Variants in PITPNC1 observed in about 807,000 individuals in gnomAD.
The protein encoded by PITPNC1 is phosphatidylinositol transfer protein cytoplasmic 1, also known as cytoplasmic phosphatidylinositol transfer protein 1.
PITPNC1 carries 18 observed loss-of-function variants against 44.7 expected under a neutral mutation model. The ratio of observed to expected loss-of-function variants is 0.40; its 90% CI spans 0.28 to 0.60. The LOEUF is 0.60. Among genes scored for constraint, PITPNC1 ranks in the 20% least tolerant of loss-of-function variants. The probability of loss-of-function intolerance (pLI) is 0.39; values close to 1 mark genes in which losing one functional copy is unlikely to be tolerated. For missense variants in PITPNC1, 290 were observed against 418.4 expected, an observed-to-expected ratio of 0.69 and a Z score of 2.68; for synonymous variants, 141 against 149.6, an observed-to-expected ratio of 0.94 and a Z score of 0.42.
At chr17:67,551,260 G>T (rs550776783) in intron 2 of PITPNC1, among the ~76,000 whole-genome samples, 1 of 152,258 alleles carries the variant, frequency 6.6e-6, no homozygotes, top group South Asian at 2.1e-4. Context: ...TTGAGAATTT[G>T]TTTTCTGCAA....
intron 1 of PITPNC1, among the ~76,000 whole-genome samples, chr17:67,483,528 T>G (rs982593570): frequency 6.6e-6 from 1 of 152,354 alleles, no homozygotes. Flanking sequence ...TTCTTACCCT[T>G]CTTTGATCAA....
intron 6 of PITPNC1, among the ~76,000 whole-genome samples, chr17:67,641,642 C>G (rs1275537376): frequency 1.3e-5 from 2 of 151,812 alleles, no homozygotes; most frequent in African/African-American, 4.8e-5. Context: ...ATAAAAAATA[C>G]AAAAATTAGC....
chr17:67,556,060 T>C (rs888690459), intron 4 of PITPNC1, among the ~76,000 whole-genome samples: 9 of 152,198 alleles, frequency 5.9e-5, no homozygotes, highest in African/African-American at 2.2e-4. Context: ...GGAAACAAGC[T>C]GGCCTCAGAC....
chr17:67,476,998 T>C, intron 1 of PITPNC1, among the ~76,000 whole-genome samples: 1 of 152,324 alleles, frequency 6.6e-6, no homozygotes, highest in East Asian at 1.9e-4. Context: ...AGATGATTCC[T>C]GTGCATGGCG....
intron 8 of PITPNC1, among the ~76,000 whole-genome samples, chr17:67,684,087 C>G (rs1480286592): frequency 6.7e-6 from 1 of 148,762 alleles, no homozygotes; most frequent in African/African-American, 2.5e-5. Flanking sequence ...TGACGGTATC[C>G]ATCTCATAAT....
intron 1 of PITPNC1, among the ~76,000 whole-genome samples, chr17:67,453,042 T>A (rs2039206019): frequency 6.6e-6 from 1 of 152,224 alleles, no homozygotes; most frequent in Non-Finnish European, 1.5e-5. Context: ...CATGTTGTGT[T>A]GTGCTGTTAT....
chr17:67,609,881 C>T (rs2041665041), intron 5 of PITPNC1, among the ~76,000 whole-genome samples: 2 of 151,954 alleles, frequency 1.3e-5, no homozygotes. Context: ...TTAAATATTA[C>T]ATCCATCCTA....
At chr17:67,488,764 G>A (rs144118651) in intron 1 of PITPNC1, among the ~76,000 whole-genome samples, 91 of 152,244 alleles carry the variant, frequency 6.0e-4, no homozygotes, top group Admixed American at 3.7e-3. Flanking sequence ...GCAGCCGCCC[G>A]TCTCTGAATT....
At chr17:67,619,117 AAAAAG>A (rs910392484) in intron 5 of PITPNC1, among the ~76,000 whole-genome samples, 10 of 152,260 alleles carry the variant, frequency 6.6e-5, no homozygotes, top group African/African-American at 2.2e-4. Context: ...AAACTTTTTA[AAAAAG>A]AAAGAAAAGC....
At chr17:67,478,886 CTTT>C (rs1016034251) in intron 1 of PITPNC1, among the ~76,000 whole-genome samples, 1 of 145,884 alleles carries the variant, frequency 6.9e-6, no homozygotes, top group Non-Finnish European at 1.5e-5. Context: ...TTTCTTCAAT[CTTT>C]TTTTTTTTTT....
intron 1 of PITPNC1, among the ~76,000 whole-genome samples, chr17:67,412,300 G>A (rs2038511686): frequency 6.6e-6 from 1 of 152,238 alleles, no homozygotes; most frequent in East Asian, 1.9e-4. Flanking sequence ...ATCTAGGAGG[G>A]ATGAGAAACA....
chr17:67,423,579 C>T (rs898198024), intron 1 of PITPNC1, among the ~76,000 whole-genome samples: 1 of 152,194 alleles, frequency 6.6e-6, no homozygotes, highest in African/African-American at 2.4e-5. Context: ...TCATGCCTCA[C>T]TGCAACCATG....
intron 1 of PITPNC1, among the ~76,000 whole-genome samples, chr17:67,385,578 C>T (rs1029423583): frequency 1.3e-5 from 2 of 151,878 alleles, no homozygotes; most frequent in African/African-American, 2.4e-5. Context: ...TCCTGCTGTC[C>T]GCTCTTTGGT....
chr17:67,613,822 C>CAAA (rs34474722), intron 5 of PITPNC1: 3 of 76,758 alleles, frequency 3.9e-5, no homozygotes, highest in African/African-American at 5.1e-5. Context: ...GACTCCGTCT[C>CAAA]AAAAAAAAAA....
At chr17:67,449,949 C>A (rs775194100) in intron 1 of PITPNC1, among the ~76,000 whole-genome samples, 1 of 152,134 alleles carries the variant, frequency 6.6e-6, no homozygotes, top group African/African-American at 2.4e-5. Flanking sequence ...CTTGGCCTCC[C>A]AAAATGTTGG....
chr17:67,496,913 T>TAAA (rs879367785), intron 1 of PITPNC1, among the ~76,000 whole-genome samples: 251 of 143,706 alleles, frequency 1.7e-3, no homozygotes, highest in Non-Finnish European at 2.8e-3. Context: ...TACCATAGTT[T>TAAA]AAAAAAAAAA....
intron 5 of PITPNC1, chr17:67,613,413 G>T (rs2041714621): frequency 6.6e-6 from 1 of 152,058 alleles, no homozygotes; most frequent in Non-Finnish European, 1.5e-5. Flanking sequence ...GCGATCAAAG[G>T]TTAGCATTTT....
At chr17:67,426,129 G>C (rs557665845) in intron 1 of PITPNC1, among the ~76,000 whole-genome samples, 1 of 152,250 alleles carries the variant, frequency 6.6e-6, no homozygotes, top group East Asian at 1.9e-4. Context: ...TTTGGCTGTG[G>C]AGAAATAGGA....
chr17:67,636,879 G>T (rs2042039279), intron 6 of PITPNC1, among the ~76,000 whole-genome samples: 1 of 152,180 alleles, frequency 6.6e-6, no homozygotes, highest in Non-Finnish European at 1.5e-5. Context: ...CCCCACCACA[G>T]GAGTTTCCTT....
Sources: allele counts gnomAD v4.1 joint callset (sites outside exome capture counted in the v4.1 genomes callset), GRCh38; gene constraint gnomAD v4.1.1; transcripts MANE v1.5; gene names NCBI Gene and HGNC (gene_info 2026-07-23, HGNC 2026-07-21).